MEX3C: variants seen among roughly 807,000 people sequenced by gnomAD.
MEX3C encodes RNA-binding E3 ubiquitin-protein ligase MEX3C.
Under a neutral mutation model 35.5 loss-of-function variants are expected in MEX3C, and 15 were observed. That is an observed-to-expected ratio of 0.42 (90% CI 0.28 to 0.65). The LOEUF (loss-of-function observed/expected upper bound fraction) is 0.65. Ranked by LOEUF, MEX3C falls within the 30% of genes least tolerant of loss-of-function variation. MEX3C has a pLI of 0.20. For synonymous variants in MEX3C, 390 were observed against 352.8 expected, an observed-to-expected ratio of 1.11 and a Z score of -1.18; for missense variants, 711 against 842.8, an observed-to-expected ratio of 0.84 and a Z score of 1.94.
At chr18:51,181,838 T>C (rs1201817035) in intron 1 of MEX3C, among the ~76,000 whole-genome samples, 1 of 152,176 alleles carries the variant, frequency 6.6e-6, no homozygotes, top group South Asian at 2.1e-4. Flanking sequence ...TACATACACA[T>C]TACTTTTTCA....
chr18:51,192,281 GA>G (rs1912668031), intron 1 of MEX3C, among the ~76,000 whole-genome samples: 1 of 152,090 alleles, frequency 6.6e-6, no homozygotes, highest in Non-Finnish European at 1.5e-5. Flanking sequence ...AATAAGGCAG[GA>G]AGAAAGGCAG....
At chr18:51,182,759 G>T (rs1012086038) in intron 1 of MEX3C, among the ~76,000 whole-genome samples, 1 of 152,164 alleles carries the variant, frequency 6.6e-6, no homozygotes, top group Admixed American at 6.5e-5. Flanking sequence ...TGAAAGAAAA[G>T]AAATTAAAAT....
chr18:51,196,904 C>G lies in MEX3C; in HGVS notation c.417G>C (p.Ser139=), dbSNP rs999420939. ...CGGGCGGCGACAGCAGCAGCAGCGACGACCGGTCCTCCTCCTCTGCTTCCT... is the reference window on the plus strand; with the variant it reads ...CGGGCGGCGACAGCAGCAGCAGCGAGGACCGGTCCTCCTCCTCTGCTTCCT... ...ELEEAEEEDR[S]SLLLLSPPAA... The change falls in exon 1 of 2, where the codon TCG becomes TCC. Residue 139 remains serine (S), a synonymous_variant. Transcript: ENST00000406189. 4 of 1,542,396 alleles carry G rather than the reference C, an allele frequency of 2.6e-6. No homozygotes were observed. In the African/African-American group the frequency reaches 4.2e-5, roughly 16 times the overall value.
intron 1 of MEX3C, among the ~76,000 whole-genome samples, chr18:51,178,928 G>A (rs1455984024): frequency 6.6e-6 from 1 of 150,696 alleles, no homozygotes; most frequent in Non-Finnish European, 1.5e-5. Flanking sequence ...CACAATCTGA[G>A]CATGTCTTTT....
rs775902960 is a variant in MEX3C, at chr18:51,196,678, C to A, written c.643G>T (p.Ala215Ser). The change falls in exon 1 of 2, where the codon GCC becomes TCC. Residue 215 changes from alanine (A) to serine (S), a missense_variant. This residue lies in a region of MEX3C where 354 missense variants were observed against 311.6 expected (regional missense o/e 1.14). Transcript: ENST00000406189. ...GCCGCCTGCTCCCCGTTCAGGGCGG[C>A]CGCCGCCGCCCCACAACCGCCGGGG... is the stretch of plus-strand genomic sequence containing the variant. ...YGPGGCGAAA[A>S]ALNGEQAALL... 221 of 1,545,278 alleles carry A rather than the reference C, an allele frequency of 1.4e-4. No individual in the cohort carries two copies. Among genetic ancestry groups the A allele is most frequent in the Non-Finnish European group, 1.8e-4 (210 of 1,150,954 alleles).
Position 51,196,653 on chromosome 18 carries a change from G to T in MEX3C, c.668C>A (p.Ala223Asp). The T allele has an allele frequency of 6.4e-7, 1 of 1,570,804 alleles. No homozygotes were observed. The change falls in exon 1 of 2, where the codon GCC becomes GAC. Residue 223 changes from alanine (A) to aspartate (D), a missense_variant. Transcript: ENST00000406189. ...GTTGACGCTCTTTCTCCGGAGCAGG[G>T]CCGCCTGCTCCCCGTTCAGGGCGGC... ...AAAALNGEQA[A>D]LLRRKSVNTT...
chr18:51,196,888 A>G lies in MEX3C; in HGVS notation c.433T>C (p.Ser145Pro). The G allele has an allele frequency of 6.5e-7, 1 of 1,541,016 alleles. No homozygotes were observed. Among genetic ancestry groups the G allele is most frequent in the South Asian group, 1.2e-5 (1 of 83,780 alleles). Residue 145 changes from serine (S) to proline (P), a missense_variant, in exon 1 of 2, where the codon TCG becomes CCG. Ser to Pro is a moderately conservative substitution (Grantham distance 74). This residue lies in a region of MEX3C where 354 missense variants were observed against 311.6 expected (regional missense o/e 1.14). Transcript: ENST00000406189. ...TGAGAGGCGGTGGCCGCGGGCGGCG[A>G]CAGCAGCAGCAGCGACGACCGGTCC... ...EEDRSSLLLL[S>P]PPAATASQTQ... is the part of the protein sequence containing the mutation.
intron 1 of MEX3C, among the ~76,000 whole-genome samples, chr18:51,190,874 G>A (rs1912636626): frequency 6.6e-6 from 1 of 152,160 alleles, no homozygotes; most frequent in Admixed American, 6.5e-5. Context: ...TGGGGAAAAT[G>A]TTAAAAGTAA....
At chr18:51,190,437 T>A (rs539372949) in intron 1 of MEX3C, among the ~76,000 whole-genome samples, 1 of 152,344 alleles carries the variant, frequency 6.6e-6, no homozygotes, top group African/African-American at 2.4e-5. Context: ...TCCCCTTCAA[T>A]CATGTTCAAG....
At chr18:51,181,577 TCA>T (rs1305059065) in intron 1 of MEX3C, among the ~76,000 whole-genome samples, 1 of 152,238 alleles carries the variant, frequency 6.6e-6, no homozygotes, top group Non-Finnish European at 1.5e-5. Flanking sequence ...CTAAGAGCTA[TCA>T]CAGTTATAAG....
intron 1 of MEX3C, among the ~76,000 whole-genome samples, chr18:51,178,860 C>CAAAA (rs200287690): frequency 9.9e-5 from 11 of 111,520 alleles, no homozygotes; most frequent in African/African-American, 3.6e-4. Context: ...AACTCCATCT[C>CAAAA]AAAAAAAAAA....
chr18:51,185,664 G>T (rs1363418414), intron 1 of MEX3C, among the ~76,000 whole-genome samples: 1 of 151,996 alleles, frequency 6.6e-6, no homozygotes, highest in Non-Finnish European at 1.5e-5. Flanking sequence ...TCCCAATTCA[G>T]GAATAGTAAC....
In MEX3C at chr18:51,196,495, C is replaced by T. The variant is rs768956326; in HGVS notation, c.754+72G>A. 6.0e-6 allele frequency: 9 copies of T among 1,507,688 alleles called. No homozygotes were observed. In the East Asian group the frequency reaches 7.5e-5, roughly 13 times the overall value. The allele number at this position is 1,507,688 out of a possible 1,614,324, so 93.4% of individuals were successfully genotyped here. A position where few individuals can be genotyped will look rare whatever the true frequency, so the allele number is the denominator to read the frequency against. On this transcript the variant is annotated intron_variant, in intron 1 of 1. Coordinates refer to ENST00000406189, the MANE Select transcript of MEX3C (RefSeq NM_016626.5). The stretch of plus-strand genomic sequence containing the variant: ...CGCCGGGTTCGCCTTTTCCGTCCCA[C>T]GCTCCTTTCTCTCGTCTCCCCACCC...
chr18:51,176,849 A>G lies in MEX3C; in HGVS notation c.1482T>C (p.Val494=). 1 of 1,614,018 alleles carries G rather than the reference A, an allele frequency of 6.2e-7. No individual in the cohort carries two copies. The highest frequency in any genetic ancestry group is 1.6e-4 in the Middle Eastern group (1 of 6,062). The change falls in exon 2 of 2, where the codon GTT becomes GTC. Residue 494 remains valine, a synonymous_variant. Transcript: ENST00000406189. The part of the protein sequence containing the change: ...LPSVGSEDLA[V]DSPAFDSLPT... Reference sequence around the variant, plus strand: ...GTAAAGAGTCAAAGGCAGGAGAGTCAACTGCTAGGTCTTCTGAGCCTACAG... The same window carrying G: ...GTAAAGAGTCAAAGGCAGGAGAGTCGACTGCTAGGTCTTCTGAGCCTACAG...
At position 51,177,811 on chromosome 18, in the gene MEX3C, A is replaced by C. The variant is rs1912337018; in HGVS notation, c.755-235T>G. ...CACAATTATCTGACAGAAGTTATTAAACTGACTTCCACCTAATTATCTTAC... is the reference window on the plus strand; with the variant it reads ...CACAATTATCTGACAGAAGTTATTACACTGACTTCCACCTAATTATCTTAC... On this transcript the variant is annotated intron_variant, in intron 1 of 1. Transcript: ENST00000406189. This position sits in a 1 kb window ranked among gnomAD's most constrained non-coding sequence, Gnocchi z 4.2. Among the ~76,000 whole-genome samples, 1 of 152,176 alleles carries C rather than the reference A, an allele frequency of 6.6e-6. No homozygotes were observed. Among genetic ancestry groups the C allele is most frequent in the Non-Finnish European group, 1.5e-5 (1 of 68,028 alleles).
chr18:51,196,430 C>CG (rs1453176373), intron 1 of MEX3C, 137 bp downstream of exon 1: 14 of 1,426,166 alleles, frequency 9.8e-6, no homozygotes, highest in Non-Finnish European at 1.2e-5. Flanking sequence ...GGTCGACCCT[C>CG]GGCTCCTCCC....
At chr18:51,194,961 T>A (rs1226794062) in intron 1 of MEX3C, 1 of 152,230 alleles carries the variant, frequency 6.6e-6, no homozygotes, top group Non-Finnish European at 1.5e-5. Context: ...CCATAGATGT[T>A]CTCTTACCTG....
At chr18:51,179,329 G>C (rs1912375866) in intron 1 of MEX3C, among the ~76,000 whole-genome samples, 1 of 152,110 alleles carries the variant, frequency 6.6e-6, no homozygotes, top group Non-Finnish European at 1.5e-5. Context: ...CACATGACCT[G>C]ATCACTTTTT....
chr18:51,188,700 G>A (rs1315432370), intron 1 of MEX3C, among the ~76,000 whole-genome samples: 6 of 151,938 alleles, frequency 3.9e-5, no homozygotes, highest in African/African-American at 1.5e-4. Flanking sequence ...CAATAAAATG[G>A]CAAGTTTATA....
Sources: allele counts gnomAD v4.1 joint callset (sites outside exome capture counted in the v4.1 genomes callset), GRCh38; gene constraint gnomAD v4.1.1; regional missense constraint gnomAD v4.1.1; non-coding constraint Gnocchi (gnomAD v3.1); transcripts MANE v1.5; gene names NCBI Gene and HGNC (gene_info 2026-07-23, HGNC 2026-07-21).